The following GNAL variants were observed in gnomAD, a reference collection of about 807,000 sequenced individuals.
The protein encoded by GNAL is guanine nucleotide-binding protein G(olf) subunit alpha.
A neutral mutation model predicts 55.1 loss-of-function variants in GNAL; 18 were observed. That is an observed-to-expected ratio of 0.33 (90% CI 0.23 to 0.48). GNAL has a LOEUF of 0.48. Ranked by LOEUF, GNAL falls within the 20% of genes least tolerant of loss-of-function variation. The pLI, the probability that GNAL is intolerant of heterozygous loss-of-function variation, is 0.99. For missense variants in GNAL, 412 were observed against 614.1 expected, an observed-to-expected ratio of 0.67 and a Z score of 3.48; for synonymous variants, 253 against 237.0, an observed-to-expected ratio of 1.07 and a Z score of -0.62.
chr18:11,766,718 G>A (rs16976656), intron 4 of GNAL, among the ~76,000 whole-genome samples: 6,129 of 152,226 alleles, frequency 0.04, 454 homozygotes, highest in African/African-American at 0.14. Flanking sequence ...AAACTGCTTG[G>A]GTGCTGAGAC....
intron 1 of GNAL, among the ~76,000 whole-genome samples, chr18:11,713,327 G>A (rs2031880228): frequency 1.3e-5 from 2 of 152,254 alleles, no homozygotes; most frequent in Admixed American, 6.5e-5. Context: ...ATTGGAGGCT[G>A]TTGGCGTGGG....
chr18:11,693,066 C>CA (rs201302456), intron 1 of GNAL, among the ~76,000 whole-genome samples: 8 of 121,594 alleles, frequency 6.6e-5, no homozygotes, highest in South Asian at 2.2e-4. Flanking sequence ...AAGAAACTGA[C>CA]AAAAAAAAAT....
In GNAL at chr18:11,744,954, G is replaced by T. The variant is rs529925363; in HGVS notation, c.377-7899G>T. The stretch of plus-strand genomic sequence containing the variant: ...TCAAACTCCGGAGCTCAGGCAATCT[G>T]CCCCTCCTTGGTCTCCCAAAGTGCT... On this transcript the variant is annotated intron_variant, in intron 1 of 11. Transcript: ENST00000334049. 1.1e-4 allele frequency among the ~76,000 whole-genome samples: 16 copies of T among 152,224 alleles called. No homozygotes were observed. In the South Asian group the frequency reaches 3.3e-3, roughly 32 times the overall value.
At chr18:11,866,820 A>G (rs1230128904) in intron 7 of GNAL, among the ~76,000 whole-genome samples, 2 of 141,250 alleles carry the variant, frequency 1.4e-5, no homozygotes, top group Admixed American at 1.3e-4. Flanking sequence ...GTACTCAGAG[A>G]GGCCTGAGTG....
rs1288801494 is a variant in GNAL, at chr18:11,780,936, A to C, written c.624+26991A>C. On this transcript the variant is annotated intron_variant, in intron 4 of 11. Coordinates refer to ENST00000334049, the MANE Select transcript of GNAL (RefSeq NM_182978.4). The stretch of plus-strand genomic sequence containing the variant: ...GGAGTCCATTCGTAGGCAAGACTTA[A>C]GTCACACTGAAGTATAAATGACTGA... Among the ~76,000 whole-genome samples, 6 of 152,348 alleles carry C rather than the reference A, an allele frequency of 3.9e-5. No homozygotes were observed. The East Asian group carries it at 9.6e-4, about 24-fold the overall frequency.
At position 11,845,787 on chromosome 18, in the gene GNAL, G is replaced by A. The variant is rs948672868; in HGVS notation, c.723-16608G>A. Among the ~76,000 whole-genome samples, 7 of 148,280 alleles carry A rather than the reference G, an allele frequency of 4.7e-5. No homozygotes were observed. In the South Asian group the frequency reaches 6.9e-4, roughly 15 times the overall value. On this transcript the variant is annotated intron_variant, in intron 5 of 11. Transcript: ENST00000334049. ...AAGAGAAAAGAGAGAGAGAGAGAGA[G>A]AAAGAGAGAGGGAGGGAGAGGGGGA...
At chr18:11,750,027 G>A (rs1341499645) in intron 1 of GNAL, among the ~76,000 whole-genome samples, 1 of 152,166 alleles carries the variant, frequency 6.6e-6, no homozygotes, top group East Asian at 1.9e-4. Flanking sequence ...GAGACAGCAG[G>A]CAGTGGAAAC....
chr18:11,832,409 T>A (rs1462849869), intron 5 of GNAL, among the ~76,000 whole-genome samples: 1 of 152,240 alleles, frequency 6.6e-6, no homozygotes, highest in Non-Finnish European at 1.5e-5. Flanking sequence ...TCTGTCATCT[T>A]TCAGGAGTTT....
intron 1 of GNAL, chr18:11,745,984 A>G (rs1258983890): frequency 3.7e-6 from 1 of 272,186 alleles, no homozygotes; most frequent in South Asian, 3.8e-5. Flanking sequence ...CCAATAAGAA[A>G]GTGTTCTTGG....
intron 1 of GNAL, among the ~76,000 whole-genome samples, chr18:11,727,123 C>T (rs960991084): frequency 1.3e-5 from 2 of 152,098 alleles, no homozygotes; most frequent in African/African-American, 4.8e-5. Context: ...TCCCTGCTTA[C>T]ACCCTGTGCC....
chr18:11,805,152 A>G (rs77894781), intron 4 of GNAL, among the ~76,000 whole-genome samples: 13 of 26,086 alleles, frequency 5.0e-4, no homozygotes, highest in Admixed American at 1.6e-3. Context: ...TACAGGTGCA[A>G]TTTGAGTGGA....
intron 1 of GNAL, among the ~76,000 whole-genome samples, chr18:11,727,834 C>T (rs1568000289): frequency 6.6e-6 from 1 of 152,188 alleles, no homozygotes. Flanking sequence ...TGATTAGTAA[C>T]TGGCTATACA....
In GNAL at chr18:11,689,408, C is replaced by T. The variant is rs1409929053; in HGVS notation, c.-156C>T. ...GCCCCGGCCTGCCGCACCCCCTTCC[C>T]GCAGCTGGCGGCCGGCAGCGCCGAA... On this transcript the variant is annotated 5_prime_UTR_variant, in exon 1 of 12. Coordinates refer to ENST00000334049, the MANE Select transcript of GNAL (RefSeq NM_182978.4). 2.7e-6 allele frequency: 1 copy of T among 365,408 alleles called. No homozygotes were observed. Among genetic ancestry groups the T allele is most frequent in the Non-Finnish European group, 4.8e-6 (1 of 206,538 alleles). The allele number at this position is 365,408 out of a possible 1,614,324, so 22.6% of individuals were successfully genotyped here.
chr18:11,808,251 T>A (rs2034717019), intron 4 of GNAL, among the ~76,000 whole-genome samples: 1 of 152,154 alleles, frequency 6.6e-6, no homozygotes, highest in Admixed American at 6.5e-5. Flanking sequence ...AAAGAGCGCC[T>A]CTGCCCGTTT....
chr18:11,787,064 G>A (rs765850631), intron 4 of GNAL, among the ~76,000 whole-genome samples: 1 of 152,070 alleles, frequency 6.6e-6, no homozygotes, highest in Non-Finnish European at 1.5e-5. Flanking sequence ...ACAACACAGC[G>A]AGACCTCATT....
chr18:11,846,664 G>C (rs2035747863), intron 5 of GNAL, among the ~76,000 whole-genome samples: 1 of 151,754 alleles, frequency 6.6e-6, no homozygotes, highest in Admixed American at 6.6e-5. Context: ...TAGAGACCGG[G>C]TCTTGCCATC....
intron 1 of GNAL, among the ~76,000 whole-genome samples, chr18:11,720,158 C>T (rs1347044442): frequency 6.6e-6 from 1 of 152,104 alleles, no homozygotes; most frequent in African/African-American, 2.4e-5. Context: ...GAGTCTAGAC[C>T]AAGAGTTAGC....
intron 4 of GNAL, among the ~76,000 whole-genome samples, chr18:11,776,014 C>G (rs529699956): frequency 6.6e-6 from 1 of 152,206 alleles, no homozygotes; most frequent in African/African-American, 2.4e-5. Context: ...GAAAAGGTGT[C>G]TCCGGATGGG....
intron 5 of GNAL, among the ~76,000 whole-genome samples, chr18:11,859,612 T>C (rs1328190748): frequency 1.3e-5 from 2 of 152,196 alleles, no homozygotes; most frequent in Non-Finnish European, 2.9e-5. Context: ...CTCACCAACC[T>C]TCTGGTGCGC....
Sources: gnomAD v4.1 joint callset for allele counts (sites outside exome capture counted in the v4.1 genomes callset) on GRCh38, gnomAD v4.1.1 for gene constraint, MANE v1.5 for transcripts, NCBI Gene and HGNC (gene_info 2026-07-23, HGNC 2026-07-21) for gene names.